HEMK2: variants seen among roughly 807,000 people sequenced by gnomAD.
HEMK2 encodes the protein HemK methyltransferase 2, ETF1 glutamine and histone H4 lysine.
chr21:28,676,121 T>C, the HEMK2 span, among the ~76,000 whole-genome samples: 2 of 152,200 alleles, frequency 1.3e-5, no homozygotes, highest in African/African-American at 4.8e-5. Context: ...CCCTGGTGTA[T>C]GGTTTTTAGG....
At chr21:28,678,439 G>A in the HEMK2 span, among the ~76,000 whole-genome samples, 2 of 152,138 alleles carry the variant, frequency 1.3e-5, no homozygotes, top group African/African-American at 2.4e-5. Context: ...GAAACTGACG[G>A]GGAGAATGGA....
the HEMK2 span, among the ~76,000 whole-genome samples, chr21:28,655,125 T>C: frequency 6.6e-6 from 1 of 152,076 alleles, no homozygotes; most frequent in African/African-American, 2.4e-5. Context: ...ATTTTGAGCC[T>C]AATATACCTT....
the HEMK2 span, among the ~76,000 whole-genome samples, chr21:28,705,553 T>C: frequency 2.6e-5 from 4 of 152,168 alleles, no homozygotes; most frequent in African/African-American, 9.7e-5. Flanking sequence ...ATACTGTACT[T>C]GAGAGTGAAG....
At chr21:28,658,558 T>C in the HEMK2 span, among the ~76,000 whole-genome samples, 1 of 152,122 alleles carries the variant, frequency 6.6e-6, no homozygotes, top group Non-Finnish European at 1.5e-5. Context: ...GAGGTTGTAA[T>C]CTGGTCCTGC....
the HEMK2 span, among the ~76,000 whole-genome samples, chr21:28,607,188 A>G: frequency 6.6e-6 from 1 of 152,136 alleles, no homozygotes; most frequent in Non-Finnish European, 1.5e-5. Context: ...AAGCGGGTGG[A>G]TTGCCTCAGC....
At chr21:28,722,653 A>C in the HEMK2 span, among the ~76,000 whole-genome samples, 2 of 152,182 alleles carry the variant, frequency 1.3e-5, no homozygotes, top group Non-Finnish European at 2.9e-5. Flanking sequence ...AAGCAGAGGC[A>C]GGCGGATGAC....
the HEMK2 span, among the ~76,000 whole-genome samples, chr21:28,854,455 A>AG: frequency 1 from 151,918 of 152,186 alleles, 75,826 homozygotes; most frequent in East Asian, 1. Flanking sequence ...TGTATTAGTC[A>AG]GGTTCTCTAG....
At chr21:28,721,990 G>A in the HEMK2 span, among the ~76,000 whole-genome samples, 1 of 150,498 alleles carries the variant, frequency 6.6e-6, no homozygotes, top group Admixed American at 6.6e-5. Context: ...TTACTTATCA[G>A]TAAATAGAAA....
chr21:28,793,464 TTCAC>T, the HEMK2 span, among the ~76,000 whole-genome samples: 75,822 of 151,774 alleles, frequency 0.5, 21,492 homozygotes, highest in East Asian at 0.77. Flanking sequence ...CCAACTTCAC[TTCAC>T]GATTCTGTCA....
At chr21:28,643,299 G>A in the HEMK2 span, among the ~76,000 whole-genome samples, 1 of 152,158 alleles carries the variant, frequency 6.6e-6, no homozygotes, top group African/African-American at 2.4e-5. Flanking sequence ...TAAGTCATGG[G>A]GGTAGAGCCC....
At chr21:28,788,281 C>T in the HEMK2 span, among the ~76,000 whole-genome samples, 225 of 86,286 alleles carry the variant, frequency 2.6e-3, no homozygotes, top group Non-Finnish European at 3.2e-3. Context: ...ATCATATATA[C>T]ACACACACAC....
the HEMK2 span, among the ~76,000 whole-genome samples, chr21:28,681,452 A>G: frequency 6.6e-6 from 1 of 152,104 alleles, no homozygotes; most frequent in Non-Finnish European, 1.5e-5. Context: ...GGAAGAATCA[A>G]TATCGTGAAA....
chr21:28,638,104 C>T, the HEMK2 span, among the ~76,000 whole-genome samples: 1 of 152,290 alleles, frequency 6.6e-6, no homozygotes, highest in Non-Finnish European at 1.5e-5. Flanking sequence ...GCAGAGGGAA[C>T]ACAACGAAAA....
chr21:28,824,816 T>C, the HEMK2 span, among the ~76,000 whole-genome samples: 1 of 152,124 alleles, frequency 6.6e-6, no homozygotes. Context: ...TCCTAAAGGG[T>C]CAATAATCCT....
chr21:28,617,018 C>T, the HEMK2 span, among the ~76,000 whole-genome samples: 1 of 151,926 alleles, frequency 6.6e-6, no homozygotes, highest in Admixed American at 6.6e-5. Flanking sequence ...TGGCCACAGA[C>T]AATTAGTTGG....
the HEMK2 span, among the ~76,000 whole-genome samples, chr21:28,708,165 A>G: frequency 6.6e-6 from 1 of 152,188 alleles, no homozygotes; most frequent in South Asian, 2.1e-4. Flanking sequence ...AATGCATGTT[A>G]ATATCTTCTT....
the HEMK2 span, among the ~76,000 whole-genome samples, chr21:28,695,764 C>T: frequency 7.6e-6 from 1 of 131,352 alleles, no homozygotes; most frequent in Non-Finnish European, 1.5e-5. Flanking sequence ...TCATGCCTTC[C>T]CAATGGTCCC....
the HEMK2 span, chr21:28,878,420 A>G: frequency 6.7e-7 from 1 of 1,502,158 alleles, no homozygotes; most frequent in Admixed American, 1.8e-5. Flanking sequence ...AATATCACCA[A>G]AAAAGTATAT....
At chr21:28,642,419 G>A in the HEMK2 span, among the ~76,000 whole-genome samples, 11 of 152,262 alleles carry the variant, frequency 7.2e-5, no homozygotes, top group South Asian at 1.9e-3. Context: ...GGAAGCATCC[G>A]GTCACTCTTC....
Sources: gnomAD v4.1 joint callset for allele counts (sites outside exome capture counted in the v4.1 genomes callset) on GRCh38, gnomAD v4.1.1 for gene constraint, MANE v1.5 for transcripts, NCBI Gene and HGNC (gene_info 2026-07-23, HGNC 2026-07-21) for gene names.